SNTG1: variants seen among roughly 807,000 people sequenced by gnomAD.
SNTG1 encodes syntrophin gamma 1.
SNTG1 carries 39 observed loss-of-function variants against 74.7 expected under a neutral mutation model. The ratio of observed to expected loss-of-function variants is 0.52; its 90% confidence interval spans 0.40 to 0.68. The LOEUF (loss-of-function observed/expected upper bound fraction) is 0.68, where lower values mean the gene tolerates loss of function less well. SNTG1 is among the 30% of genes least tolerant of loss of function. The pLI, the probability that SNTG1 is intolerant of heterozygous loss-of-function variation, is 0.00. For synonymous variants in SNTG1, 254 were observed against 217.1 expected, an observed-to-expected ratio of 1.17 and a Z score of -1.49; for missense variants, 685 against 609.5, an observed-to-expected ratio of 1.12 and a Z score of -1.30.
chr8:50,607,446 T>C (rs937725009), intron 13 of SNTG1, among the ~76,000 whole-genome samples: 1 of 151,710 alleles, frequency 6.6e-6, no homozygotes, highest in Non-Finnish European at 1.5e-5. Context: ...TGGTATTTTG[T>C]GTCTTTCTAG....
At chr8:50,223,026 A>G (rs1338870729) in intron 2 of SNTG1, among the ~76,000 whole-genome samples, 1 of 152,192 alleles carries the variant, frequency 6.6e-6, no homozygotes. Context: ...AATTGGAGTT[A>G]TTAGAAAGAC....
chr8:50,526,268 C>G (rs76517614), intron 9 of SNTG1, among the ~76,000 whole-genome samples: 1 of 152,018 alleles, frequency 6.6e-6, no homozygotes, highest in Non-Finnish European at 1.5e-5. Context: ...TGTGCACTCC[C>G]CCAAAAGCCA....
intron 2 of SNTG1, among the ~76,000 whole-genome samples, chr8:50,356,085 C>T (rs1301164611): frequency 6.6e-6 from 1 of 151,220 alleles, no homozygotes. Flanking sequence ...TTGGGGATGG[C>T]CCTTGCAATT....
chr8:50,784,262 A>G (rs2095668310), intron 18 of SNTG1, among the ~76,000 whole-genome samples: 1 of 152,196 alleles, frequency 6.6e-6, no homozygotes, highest in Admixed American at 6.5e-5. Flanking sequence ...AGGGACAGAT[A>G]TGTCTACTCC....
At chr8:50,712,644 A>G (rs747591169) in intron 17 of SNTG1, among the ~76,000 whole-genome samples, 1 of 151,896 alleles carries the variant, frequency 6.6e-6, no homozygotes, top group Non-Finnish European at 1.5e-5. Flanking sequence ...ACCTAATGTT[A>G]TCCCTCCCCA....
chr8:50,384,770 G>A (rs1274192796), intron 2 of SNTG1, among the ~76,000 whole-genome samples: 1 of 152,118 alleles, frequency 6.6e-6, no homozygotes, highest in African/African-American at 2.4e-5. Context: ...AGAAGGTAAT[G>A]GAGCAAGAGT....
At chr8:50,698,725 G>A (rs2095413436) in intron 15 of SNTG1, among the ~76,000 whole-genome samples, 1 of 152,088 alleles carries the variant, frequency 6.6e-6, no homozygotes, top group African/African-American at 2.4e-5. Context: ...CAAGGTCTCG[G>A]GAAGTGCATG....
At chr8:50,425,105 A>G (rs2093144701) in intron 4 of SNTG1, among the ~76,000 whole-genome samples, 1 of 152,228 alleles carries the variant, frequency 6.6e-6, no homozygotes, top group Admixed American at 6.5e-5. Context: ...GGAATGAGTC[A>G]TAAGAAGAAA....
At chr8:50,690,834 T>A (rs1379451882) in intron 15 of SNTG1, among the ~76,000 whole-genome samples, 1 of 152,106 alleles carries the variant, frequency 6.6e-6, no homozygotes, top group Non-Finnish European at 1.5e-5. Flanking sequence ...ATCTGCCTAA[T>A]GTTGACAGTG....
intron 15 of SNTG1, among the ~76,000 whole-genome samples, chr8:50,688,117 T>G (rs1489645275): frequency 1.3e-5 from 2 of 152,244 alleles, no homozygotes; most frequent in African/African-American, 4.8e-5. Context: ...GTTTTTTTCT[T>G]GTAAATTTGT....
intron 8 of SNTG1, among the ~76,000 whole-genome samples, chr8:50,494,896 G>C (rs369224530): frequency 2.0e-4 from 31 of 151,800 alleles, no homozygotes; most frequent in South Asian, 6.2e-4. Flanking sequence ...ACTAAAATAG[G>C]TGGCTCTTTT....
chr8:50,666,536 A>C (rs1302835981), intron 15 of SNTG1, among the ~76,000 whole-genome samples: 1 of 152,146 alleles, frequency 6.6e-6, no homozygotes, highest in East Asian at 1.9e-4. Context: ...GAAAATAAGT[A>C]TTTGTAATTC....
intron 1 of SNTG1, among the ~76,000 whole-genome samples, chr8:49,935,904 A>G (rs1808039937): frequency 6.6e-6 from 1 of 152,170 alleles, no homozygotes; most frequent in Non-Finnish European, 1.5e-5. Context: ...TGCCTTTTCT[A>G]TTTTTTAAAT....
Position 49,975,494 on chromosome 8 carries a change from G to T in SNTG1, c.-103+63263G>T, listed in dbSNP as rs569871431. ...TTCAAGATCATTGGAGCTGTGCAGGGTTGTCAAATTGACATGCAGTCTCCA... is the reference window on the plus strand; with the variant it reads ...TTCAAGATCATTGGAGCTGTGCAGGTTTGTCAAATTGACATGCAGTCTCCA... On this transcript the variant is annotated intron_variant, in intron 1 of 18. Coordinates refer to ENST00000642720, the MANE Select transcript of SNTG1 (RefSeq NM_018967.5). Among the ~76,000 whole-genome samples, 8 of 152,228 alleles carry T rather than the reference G, an allele frequency of 5.3e-5. No individual in the cohort carries two copies. In the East Asian group the frequency reaches 1.4e-3, roughly 26 times the overall value.
At chr8:50,548,763 T>G (rs553745413) in intron 11 of SNTG1, among the ~76,000 whole-genome samples, 1 of 152,000 alleles carries the variant, frequency 6.6e-6, no homozygotes, top group South Asian at 2.1e-4. Flanking sequence ...TTAAAGAAAA[T>G]CTCATGGAAT....
chr8:50,014,998 G>A (rs562690020), intron 1 of SNTG1, among the ~76,000 whole-genome samples: 12 of 148,810 alleles, frequency 8.1e-5, no homozygotes, highest in African/African-American at 1.2e-4. Context: ...AAGTAGAAAA[G>A]TATACCACAT....
intron 13 of SNTG1, among the ~76,000 whole-genome samples, chr8:50,656,584 A>G (rs1024536090): frequency 2.6e-5 from 4 of 152,168 alleles, no homozygotes; most frequent in African/African-American, 9.7e-5. Flanking sequence ...TGCATCAATG[A>G]ATTCTATTAT....
chr8:50,372,763 C>G (rs145023611), intron 2 of SNTG1, among the ~76,000 whole-genome samples: 3 of 151,754 alleles, frequency 2.0e-5, no homozygotes, highest in Non-Finnish European at 4.4e-5. Flanking sequence ...AAACTCAGTA[C>G]GCAGTGCAGT....
chr8:50,380,869 T>C (rs2092468137), intron 2 of SNTG1: 1 of 152,216 alleles, frequency 6.6e-6, no homozygotes, highest in Non-Finnish European at 1.5e-5. Flanking sequence ...AGGCAAGATC[T>C]CTAGACAGAG....
Sources: gnomAD v4.1 joint callset for allele counts (sites outside exome capture counted in the v4.1 genomes callset) on GRCh38, gnomAD v4.1.1 for gene constraint, MANE v1.5 for transcripts, NCBI Gene and HGNC (gene_info 2026-07-23, HGNC 2026-07-21) for gene names.